BFSP1: variants seen among roughly 807,000 people sequenced by gnomAD.
BFSP1 encodes the protein beaded filament structural protein 1.
BFSP1 carries 38 observed loss-of-function variants against 43.9 expected under a neutral mutation model. That is an observed-to-expected ratio of 0.87 (90% CI 0.67 to 1.14). The LOEUF (loss-of-function observed/expected upper bound fraction) is 1.14. BFSP1 is among the 50% of genes most tolerant of loss of function. The pLI is 0.00. For missense variants in BFSP1, 850 were observed against 875.1 expected (o/e 0.97, Z 0.36); for synonymous variants, 352 against 354.8 (o/e 0.99, Z 0.09).
exon 1 of BFSP1, chr20:17,558,796 A>G: frequency 6.7e-7 from 1 of 1,499,940 alleles, no homozygotes; most frequent in Middle Eastern, 1.7e-4. Flanking sequence ...CCAGGACTCC[A>G]AAACCCTCTC....
chr20:17,518,634 A>G (rs190139351), intron 2 of BFSP1, among the ~76,000 whole-genome samples: 1 of 152,340 alleles, frequency 6.6e-6, no homozygotes, highest in Non-Finnish European at 1.5e-5. Context: ...CATAAGAGAA[A>G]TGGTGGAAAG....
intron 7 of BFSP1, 78 bp from the exon 8 acceptor site, chr20:17,495,107 C>T: frequency 7.3e-7 from 1 of 1,371,214 alleles, no homozygotes; most frequent in Non-Finnish European, 1.0e-6. Context: ...GGAAAATAGG[C>T]TAACTCTCTC....
chr20:17,518,547 G>A (rs1267490288), intron 2 of BFSP1, among the ~76,000 whole-genome samples: 1 of 152,186 alleles, frequency 6.6e-6, no homozygotes. Flanking sequence ...CAGGGGAAGT[G>A]GGCAGGCCCC....
In BFSP1 at chr20:17,522,255, G is replaced by A. The variant is rs150126563; in HGVS notation, c.438+2593C>T. On this transcript the variant is annotated intron_variant, in intron 2 of 7. Coordinates refer to ENST00000377873, the MANE Select transcript of BFSP1 (RefSeq NM_001195.5). ...TCTACACTTACCACGGCTGAGCTGC[G>A]AGGCTCTGAAGTCATTTAACCTCAT... Among the ~76,000 whole-genome samples the A allele has an allele frequency of 8.5e-3, 1,289 of 152,270 alleles. 8 individuals are homozygous for A. Among genetic ancestry groups the A allele is most frequent in the South Asian group, 0.021 (101 of 4,824 alleles).
intron 5 of BFSP1, 92 bp from the exon 6 acceptor site, chr20:17,499,132 G>T: frequency 9.3e-7 from 1 of 1,077,606 alleles, no homozygotes; most frequent in African/African-American, 1.6e-5. Context: ...CTCGGTGAAT[G>T]TTTTATGTTG....
At chr20:17,520,213 C>A (rs1360711051) in intron 2 of BFSP1, among the ~76,000 whole-genome samples, 3 of 140,072 alleles carry the variant, frequency 2.1e-5, no homozygotes, top group African/African-American at 7.9e-5. Context: ...TTAACGTGCC[C>A]CCCCACCCCG....
upstream of BFSP1, among the ~76,000 whole-genome samples, chr20:17,535,340 C>T (rs1439363876): frequency 1.3e-5 from 2 of 152,060 alleles, no homozygotes; most frequent in East Asian, 3.9e-4. Flanking sequence ...ACCATCCTAG[C>T]CAACATGGTG....
At chr20:17,558,974 A>C (rs531472837), upstream of BFSP1, 198 of 359,948 alleles carry the variant, frequency 5.5e-4, no homozygotes, top group African/African-American at 2.7e-3. Context: ...CTAGGGGACC[A>C]CCTCTTAATG....
chr20:17,519,215 A>G (rs2034267340), intron 2 of BFSP1, among the ~76,000 whole-genome samples: 2 of 152,226 alleles, frequency 1.3e-5, no homozygotes, highest in African/African-American at 4.8e-5. Flanking sequence ...TTTATAAGGA[A>G]TCAAACATTA....
intron 1 of BFSP1, among the ~76,000 whole-genome samples, chr20:17,557,805 G>A (rs537587211): frequency 1.3e-5 from 2 of 152,288 alleles, no homozygotes; most frequent in African/African-American, 4.8e-5. Flanking sequence ...ACGCTGCTCT[G>A]TTAATAAACC....
At chr20:17,523,892 G>A (rs2034365989) in intron 2 of BFSP1, among the ~76,000 whole-genome samples, 1 of 151,968 alleles carries the variant, frequency 6.6e-6, no homozygotes, top group South Asian at 2.1e-4. Flanking sequence ...TGAAGGGATG[G>A]CAAACATCCG....
At chr20:17,530,838 C>T in intron 1 of BFSP1, 115 bp downstream of exon 1, 9 of 1,187,518 alleles carry the variant, frequency 7.6e-6, no homozygotes, top group Non-Finnish European at 8.6e-6. Context: ...GGTCATCGAT[C>T]GACAGGGGAC....
In BFSP1 at chr20:17,504,594, C is replaced by T. The variant is rs989799794; in HGVS notation, c.735+4295G>A. Among the ~76,000 whole-genome samples the T allele has an allele frequency of 3.3e-5, 5 of 152,172 alleles. No homozygotes were observed. The South Asian group carries it at 6.2e-4, about 19-fold the overall frequency. ...CCTGGGAACCGAGGAAGGAAAGGGA[C>T]TTCCAGAAAGGAGAGAAGGAATGAG... is the stretch of plus-strand genomic sequence containing the variant. On this transcript the variant is annotated intron_variant, in intron 5 of 7. Coordinates refer to ENST00000377873, the MANE Select transcript of BFSP1 (RefSeq NM_001195.5).
intron 2 of BFSP1, 69 bp downstream of exon 2, chr20:17,524,779 C>T (rs988480332): frequency 3.3e-6 from 5 of 1,527,342 alleles, no homozygotes; most frequent in Admixed American, 1.7e-5. Flanking sequence ...GCCTGTAAAA[C>T]CTGCACTTCC....
chr20:17,533,185 T>C (rs145971723), upstream of BFSP1, among the ~76,000 whole-genome samples: 1,737 of 152,186 alleles, frequency 0.011, 25 homozygotes, highest in African/African-American at 0.038. Context: ...CCCCCATTTC[T>C]TTTATTTATA....
chr20:17,542,840 C>T (rs1045333818), intron 1 of BFSP1, among the ~76,000 whole-genome samples: 4 of 152,172 alleles, frequency 2.6e-5, no homozygotes, highest in Non-Finnish European at 5.9e-5. Context: ...TTCTAGTTGG[C>T]TCAAGATGTT....
At chr20:17,541,888 C>T (rs2123561361) in intron 1 of BFSP1, among the ~76,000 whole-genome samples, 2 of 152,326 alleles carry the variant, frequency 1.3e-5, no homozygotes, top group Admixed American at 1.3e-4. Flanking sequence ...AATTGCATGA[C>T]TTGGCAAGAA....
intron 2 of BFSP1, chr20:17,516,768 T>A: frequency 2.5e-6 from 1 of 407,168 alleles, no homozygotes. Flanking sequence ...TTAGTCAATG[T>A]GCAACCCTTA....
intron 6 of BFSP1, 48 bp downstream of exon 6, chr20:17,498,772 G>T: frequency 6.3e-7 from 1 of 1,583,198 alleles, no homozygotes; most frequent in South Asian, 1.1e-5. Context: ...ACTCAATAAA[G>T]AGTTGTGGAA....
Sources: gnomAD v4.1 joint callset for allele counts (sites outside exome capture counted in the v4.1 genomes callset) on GRCh38, gnomAD v4.1.1 for gene constraint, MANE v1.5 for transcripts, NCBI Gene and HGNC (gene_info 2026-07-23, HGNC 2026-07-21) for gene names.